Variants in SOCS6 observed in about 807,000 individuals in gnomAD.
SOCS6 encodes the protein suppressor of cytokine signaling 6, also known as STAT induced STAT inhibitor-4.
SOCS6 carries 5 observed loss-of-function variants against 27.7 expected under a neutral mutation model. The observed-to-expected ratio is 0.18, with a 90% CI of 0.09 to 0.38. SOCS6 has a LOEUF of 0.38. SOCS6 is among the 10% of genes least tolerant of loss of function. The probability of loss-of-function intolerance (pLI) is 1.00; values close to 1 mark genes in which losing one functional copy is unlikely to be tolerated. For missense variants in SOCS6, 595 were observed against 688.1 expected (o/e 0.86, Z 1.51); for synonymous variants, 271 against 260.0 (o/e 1.04, Z -0.41).
chr18:70,292,711 T>C (rs2062305471), intron 1 of SOCS6, among the ~76,000 whole-genome samples: 1 of 152,178 alleles, frequency 6.6e-6, no homozygotes, highest in African/African-American at 2.4e-5. Flanking sequence ...GTGTTTTCAT[T>C]TCTCCCTAAT....
intron 1 of SOCS6, among the ~76,000 whole-genome samples, chr18:70,322,411 T>G (rs780046400): frequency 1.3e-5 from 2 of 152,212 alleles, no homozygotes; most frequent in Non-Finnish European, 2.9e-5. Context: ...TATTGATTAA[T>G]AGCTTACTAA....
intron 1 of SOCS6, among the ~76,000 whole-genome samples, chr18:70,301,049 G>A (rs1016614282): frequency 2.6e-5 from 4 of 152,174 alleles, no homozygotes; most frequent in Non-Finnish European, 5.9e-5. Flanking sequence ...TTTGAATGCA[G>A]TTGCCGAGAA....
Position 70,324,889 on chromosome 18 carries a change from T to A in SOCS6, c.221T>A (p.Met74Lys). 6.2e-7 allele frequency: 1 copy of A among 1,614,030 alleles called. No homozygotes were observed. Among genetic ancestry groups the A allele is most frequent in the Non-Finnish European group, 8.5e-7 (1 of 1,180,010 alleles). Residue 74 changes from methionine to lysine, a missense_variant, in exon 2 of 2, where the codon ATG becomes AAG. Transcript: ENST00000397942. ...AACAGATCAAAAAGCGAGAGCCTGA[T>A]GGGTACGCTAAAAAGGCGGCTTTCT... Reference protein sequence around the residue: ...GKNRSKSESLMGTLKRRLSAK... With the variant: ...GKNRSKSESLKGTLKRRLSAK...
In SOCS6 at chr18:70,325,251, G is replaced by A. The variant is rs1911154255; in HGVS notation, c.583G>A (p.Ala195Thr). The A allele has an allele frequency of 1.2e-6, 2 of 1,614,204 alleles. No homozygotes were observed. The highest frequency in any genetic ancestry group is 1.7e-5 in the Admixed American group (1 of 60,016). Residue 195 changes from alanine to threonine, a missense_variant, in exon 2 of 2, where the codon GCT becomes ACT. By Grantham distance (58) the Ala-to-Thr change is moderately conservative. Transcript: ENST00000397942. The surrounding 1 kb of genome is among the most constrained non-coding windows in gnomAD (Gnocchi z 6.3). The part of the protein sequence containing the change: ...QEQANSLKSS[A>T]SHNGDLHLHL... ...GCAAGCCAATTCACTGAAGAGCTCG[G>A]CTTCTCATAATGGAGACCTGCATCT...
intron 1 of SOCS6, among the ~76,000 whole-genome samples, chr18:70,297,829 T>C (rs1444934793): frequency 1.3e-5 from 2 of 152,228 alleles, no homozygotes; most frequent in Non-Finnish European, 2.9e-5. Flanking sequence ...TGTGGATTAC[T>C]TTTTGTTCCC....
At chr18:70,323,944 C>A (rs941696013) in intron 1 of SOCS6, among the ~76,000 whole-genome samples, 4 of 151,998 alleles carry the variant, frequency 2.6e-5, no homozygotes, top group African/African-American at 9.7e-5. Flanking sequence ...CTGGCCCACA[C>A]GTTAGAGTTT....
At chr18:70,315,209 A>C (rs1207987771) in intron 1 of SOCS6, among the ~76,000 whole-genome samples, 1 of 152,088 alleles carries the variant, frequency 6.6e-6, no homozygotes. Flanking sequence ...TTTTGACCTC[A>C]ACAATAAATT....
In SOCS6 at chr18:70,324,819, A is replaced by G; in HGVS notation, c.151A>G (p.Met51Val). ...ATTTGGTAGCTGCTATGGTAAAGAT[A>G]TGGCCAGCTGCGATATCAACGGTGA... ...SLFGSCYGKD[M>V]ASCDINGEDE... The change falls in exon 2 of 2, where the codon ATG (methionine) becomes GTG (valine). Residue 51 changes from methionine (M) to valine (V), a missense_variant. By Grantham distance (21) the Met-to-Val change is conservative. Transcript: ENST00000397942. 1.2e-6 allele frequency: 2 copies of G among 1,614,202 alleles called. No individual in the cohort carries two copies. The highest frequency in any genetic ancestry group is 1.1e-5 in the South Asian group (1 of 91,086).
chr18:70,320,064 T>C (rs1910919603), intron 1 of SOCS6, among the ~76,000 whole-genome samples: 1 of 152,050 alleles, frequency 6.6e-6, no homozygotes, highest in Non-Finnish European at 1.5e-5. Flanking sequence ...TGATCTCAGC[T>C]CACTGCAGTC....
Position 70,328,921 on chromosome 18 carries a change from G to T in SOCS6, c.*2645G>T, listed in dbSNP as rs775375229. On this transcript the variant is annotated 3_prime_UTR_variant, in exon 2 of 2. Coordinates refer to ENST00000397942, the MANE Select transcript of SOCS6 (RefSeq NM_004232.4). ...TAGGATTCTATTGGCAGTTAACATA[G>T]ATGACATGGACACAGCCTATGAGTG... is the stretch of plus-strand genomic sequence containing the variant. 1 of 167,002 alleles carries T rather than the reference G, an allele frequency of 6.0e-6. No homozygotes were observed. Among genetic ancestry groups the T allele is most frequent in the East Asian group, 1.9e-4 (1 of 5,194 alleles). The allele number at this position is 167,002 out of a possible 1,614,324, so 10.3% of individuals were successfully genotyped here. A position where few individuals can be genotyped will look rare whatever the true frequency, so the allele number is the denominator to read the frequency against.
chr18:70,324,418 CAG>C, intron 1 of SOCS6, 123 bp from the exon 2 acceptor site: 2 of 333,264 alleles, frequency 6.0e-6, no homozygotes, highest in Non-Finnish European at 1.1e-5. Flanking sequence ...CCGGTCCTAA[CAG>C]AGCTGACATT....
chr18:70,324,479 A>C (rs1911109084), intron 1 of SOCS6, 64 bp from the exon 2 acceptor site: 2 of 490,668 alleles, frequency 4.1e-6, no homozygotes, highest in East Asian at 7.1e-5. Context: ...ATTAAAACTG[A>C]CTAAAACAAA....
Position 70,325,869 on chromosome 18 carries a change from G to A in SOCS6, c.1201G>A (p.Val401Met), listed in dbSNP as rs868199125. ...GGAGGCAGAAGGGAAGCTAGCAAACGTGCCAGATGGTTCTTTTCTTGTTCG... is the reference window on the plus strand; with the variant it reads ...GGAGGCAGAAGGGAAGCTAGCAAACATGCCAGATGGTTCTTTTCTTGTTCG... ...RWEAEGKLAN[V>M]PDGSFLVRDS... Residue 401 changes from valine to methionine, a missense_variant, in exon 2 of 2, where the codon GTG becomes ATG. Val to Met is a conservative substitution (Grantham distance 21). This residue lies in a region of SOCS6 where 128 missense variants were observed against 207.0 expected (regional missense o/e 0.62). Coordinates refer to ENST00000397942, the MANE Select transcript of SOCS6 (RefSeq NM_004232.4). This position sits in a 1 kb window ranked among gnomAD's most constrained non-coding sequence, Gnocchi z 6.3. The A allele has an allele frequency of 5.0e-6, 8 of 1,614,090 alleles. No homozygotes were observed. The African/African-American group carries it at 6.7e-5, about 13-fold the overall frequency.
At position 70,313,943 on chromosome 18, in the gene SOCS6, G is replaced by A. The variant is rs149103143; in HGVS notation, c.-126-10600G>A. Among the ~76,000 whole-genome samples, 71 of 152,236 alleles carry A rather than the reference G, an allele frequency of 4.7e-4. 2 individuals are homozygous for A. The East Asian group carries it at 0.01, about 22-fold the overall frequency. ...ATTGTTTTACCTGAGAACAAGATGT[G>A]TCTATGTATATTTGATCTATTATGA... On this transcript the variant is annotated intron_variant, in intron 1 of 1. Transcript: ENST00000397942.
chr18:70,317,803 C>G (rs1012759423), intron 1 of SOCS6, among the ~76,000 whole-genome samples: 1 of 152,126 alleles, frequency 6.6e-6, no homozygotes, highest in African/African-American at 2.4e-5. Flanking sequence ...TTCCCGCCAA[C>G]AGTGTAGAAC....
At chr18:70,303,385 A>T (rs1264769903) in intron 1 of SOCS6, among the ~76,000 whole-genome samples, 1 of 152,108 alleles carries the variant, frequency 6.6e-6, no homozygotes, top group Non-Finnish European at 1.5e-5. Context: ...ATAAATAATG[A>T]TCCAGGGAAT....
intron 1 of SOCS6, among the ~76,000 whole-genome samples, chr18:70,323,879 A>G (rs980132952): frequency 1.6e-4 from 24 of 152,228 alleles, no homozygotes; most frequent in Admixed American, 8.5e-4. Context: ...AGTCGGAGTC[A>G]GTGCTGAAGG....
intron 1 of SOCS6, among the ~76,000 whole-genome samples, chr18:70,315,880 T>G (rs574397915): frequency 5.9e-5 from 9 of 151,716 alleles, no homozygotes; most frequent in Non-Finnish European, 2.9e-5. Flanking sequence ...GTTTTTGTGG[T>G]TTTTTTTGAG....
rs1911175564 is a variant in SOCS6 at position 70,325,610 on chromosome 18, A to G, written c.942A>G (p.Leu314=). The G allele has an allele frequency of 1.2e-6, 2 of 1,614,082 alleles. No homozygotes were observed. The highest frequency in any genetic ancestry group is 1.3e-5 in the African/African-American group (1 of 75,034). The change falls in exon 2 of 2, where the codon CTA becomes CTG. Residue 314 remains leucine (L), a synonymous_variant. Transcript: ENST00000397942. This position sits in a 1 kb window ranked among gnomAD's most constrained non-coding sequence, Gnocchi z 6.3. Reference sequence around the variant, plus strand: ...ATGTCCCTCCACTCTCACCATTGCTACCTCCAATGCAGAATAATCAAATCC... The same window carrying G: ...ATGTCCCTCCACTCTCACCATTGCTGCCTCCAATGCAGAATAATCAAATCC... ...HDDVPPLSPL[L]PPMQNNQIQR... is the part of the protein sequence containing the mutation.
Sources: allele counts gnomAD v4.1 joint callset (sites outside exome capture counted in the v4.1 genomes callset), GRCh38; gene constraint gnomAD v4.1.1; regional missense constraint gnomAD v4.1.1; non-coding constraint Gnocchi (gnomAD v3.1); transcripts MANE v1.5; gene names NCBI Gene and HGNC (gene_info 2026-07-23, HGNC 2026-07-21).